Variants in SUPT7L observed in about 807,000 individuals in gnomAD.
SUPT7L encodes the protein SPT7 like, STAGA complex subunit gamma.
A neutral mutation model predicts 35.7 loss-of-function variants in SUPT7L; 15 were observed. The observed-to-expected ratio is 0.42, with a 90% confidence interval of 0.28 to 0.65. The LOEUF (loss-of-function observed/expected upper bound fraction) is 0.65, where lower values mean the gene tolerates loss of function less well. SUPT7L is among the 30% of genes least tolerant of loss of function. The probability of loss-of-function intolerance (pLI) is 0.23; values close to 1 mark genes in which losing one functional copy is unlikely to be tolerated. For synonymous variants in SUPT7L, 168 were observed against 186.2 expected (o/e 0.90, Z 0.79); for missense variants, 434 against 522.2 (o/e 0.83, Z 1.65).
chr2:27,651,119 A>G lies in SUPT7L; in HGVS notation c.*2366T>C, dbSNP rs148677208. The stretch of plus-strand genomic sequence containing the variant: ...GTCAGAGGCACATTTCATACATAAC[A>G]GCCCTTATAAACGTTTGCCCTGCCT... On this transcript the variant is annotated 3_prime_UTR_variant, in exon 6 of 6. Transcript: ENST00000337768. The G allele has an allele frequency of 2.0e-5, 3 of 152,520 alleles. No individual in the cohort carries two copies. Among genetic ancestry groups the G allele is most frequent in the Non-Finnish European group, 4.4e-5 (3 of 68,048 alleles). 9.4% of individuals were successfully genotyped at this position (152,520 alleles called of 1,614,324 possible). A position where few individuals can be genotyped will look rare whatever the true frequency, so the allele number is the denominator to read the frequency against.
chr2:27,653,489 AT>A lies in SUPT7L; in HGVS notation c.1240del (p.Ile414TyrfsTer14). 6.2e-7 allele frequency: 1 copy of A among 1,613,248 alleles called. No homozygotes were observed. Among genetic ancestry groups the A allele is most frequent in the Non-Finnish European group, 8.5e-7 (1 of 1,179,562 alleles). ...AAACATCTCCCTCTTTTCCTTTTAT[AT>A]TTTCCTCATCCTCTTCTTGCAGCGC... The part of the protein sequence containing the change: ...NQRCKKRMRK[I>X] On this transcript the variant is annotated frameshift_variant, in exon 6 of 6. Transcript: ENST00000337768. LOFTEE classifies it high-confidence loss of function.
downstream of SUPT7L, among the ~76,000 whole-genome samples, chr2:27,649,749 AGTTT>A (rs1294531065): frequency 1.3e-5 from 2 of 152,148 alleles, no homozygotes; most frequent in African/African-American, 4.8e-5. Flanking sequence ...GATGTTCCAC[AGTTT>A]GTTTATCCAT....
the SUPT7L span, among the ~76,000 whole-genome samples, chr2:27,642,943 TTA>T: frequency 0.014 from 1,863 of 128,538 alleles, 45 homozygotes; most frequent in African/African-American, 0.05. Flanking sequence ...AAATGTGGTT[TTA>T]TATATATATA....
At chr2:27,642,958 TACACACACACACACAC>T in the SUPT7L span, among the ~76,000 whole-genome samples, 2 of 122,610 alleles carry the variant, frequency 1.6e-5, no homozygotes, top group Non-Finnish European at 3.3e-5. Context: ...TATATATATA[TACACACACACACACAC>T]ACACACACAC....
chr2:27,662,960 T>C (rs1296152701), intron 1 of SUPT7L, among the ~76,000 whole-genome samples: 4 of 140,506 alleles, frequency 2.8e-5, no homozygotes, highest in Non-Finnish European at 1.6e-5. Flanking sequence ...CTTTTTTTTT[T>C]TTTTTTTTGG....
chr2:27,663,488 G>A lies in SUPT7L; in HGVS notation c.-249C>T, dbSNP rs559776744. 22 of 423,338 alleles carry A rather than the reference G, an allele frequency of 5.2e-5. 1 individual carries two copies. Among genetic ancestry groups the A allele is most frequent in the South Asian group, 3.9e-4 (17 of 43,232 alleles). 26.2% of individuals were successfully genotyped at this position (423,338 alleles called of 1,614,324 possible). A position where few individuals can be genotyped will look rare whatever the true frequency, so the allele number is the denominator to read the frequency against. ...AGACGGGGAGGTCTGGACCTGAACC[G>A]AGACAAGGAGGTACCACACTATTCA... On this transcript the variant is annotated 5_prime_UTR_variant, in exon 1 of 6. Coordinates refer to ENST00000337768, the MANE Select transcript of SUPT7L (RefSeq NM_014860.3).
In SUPT7L at chr2:27,657,545, G is replaced by A. The variant is rs1422615250; in HGVS notation, c.544C>T (p.Leu182=). ...CAATACTCATGTGCCACATCAGTTA[G>A]GGTCTCCAGGACACTCTCATTAGCA... is the stretch of plus-strand genomic sequence containing the variant. ...DCANESVLET[L]TDVAHEYCLK... Residue 182 remains leucine, a synonymous_variant, in exon 4 of 6, where the codon CTA becomes TTA. Transcript: ENST00000337768. This position sits in a 1 kb window ranked among gnomAD's most constrained non-coding sequence, Gnocchi z 5.2. The A allele has an allele frequency of 6.2e-7, 1 of 1,614,114 alleles. No homozygotes were observed. The highest frequency in any genetic ancestry group is 1.3e-5 in the African/African-American group (1 of 74,938).
chr2:27,646,571 A>C, downstream of SUPT7L, among the ~76,000 whole-genome samples: 1 of 150,664 alleles, frequency 6.6e-6, no homozygotes, highest in Non-Finnish European at 1.5e-5. Flanking sequence ...CCCACCTTCC[A>C]CCCCCACCCC....
At chr2:27,661,476 T>C in intron 2 of SUPT7L, 88 bp from the exon 3 acceptor site, 1 of 1,566,894 alleles carries the variant, frequency 6.4e-7, no homozygotes, top group Non-Finnish European at 8.6e-7. Flanking sequence ...CTGGCAACTT[T>C]AGATTATAGG....
At chr2:27,661,876 A>G (rs767163879) in intron 2 of SUPT7L, 1 of 458,576 alleles carries the variant, frequency 2.2e-6, no homozygotes, top group Non-Finnish European at 3.9e-6. Flanking sequence ...AGGGTTAAAG[A>G]TAATAAGAAG....
rs755809244 is a variant in SUPT7L at position 27,661,107 on chromosome 2, C to T, written c.296G>A (p.Ser99Asn). ...QQTEGVKTEE[S>N]EPLPSCPGSP... ...CCCAGGGCACGAGGGAAGAGGTTCA[C>T]TCTCTTCAGTTTTTACACCTTCTGT... The change falls in exon 3 of 6, where the codon AGT becomes AAT. Residue 99 changes from serine to asparagine, a missense_variant. Transcript: ENST00000337768. The T allele has an allele frequency of 1.2e-5, 19 of 1,614,058 alleles. No homozygotes were observed. Among genetic ancestry groups the T allele is most frequent in the Non-Finnish European group, 1.5e-5 (18 of 1,180,046 alleles).
At chr2:27,645,278 TTTTTC>T in the SUPT7L span, among the ~76,000 whole-genome samples, 4 of 152,154 alleles carry the variant, frequency 2.6e-5, no homozygotes, top group Non-Finnish European at 5.9e-5. Context: ...GCCCATTTTT[TTTTTC>T]TTTTAACTTG....
chr2:27,658,479 ATAACT>A (rs1227848405), intron 3 of SUPT7L, among the ~76,000 whole-genome samples: 6 of 152,358 alleles, frequency 3.9e-5, no homozygotes, highest in East Asian at 3.9e-4. Flanking sequence ...TGATCTAAAA[ATAACT>A]TAAGAAGCTT....
Position 27,651,763 on chromosome 2 carries a change from G to A in SUPT7L, c.*1722C>T, listed in dbSNP as rs2148103639. ...AATAATTGGTACTCAATGTTTGCTG[G>A]ATGAATGAACTAAATTCCCATACGG... On this transcript the variant is annotated 3_prime_UTR_variant, in exon 6 of 6. Transcript: ENST00000337768. 1 of 152,322 alleles carries A rather than the reference G, an allele frequency of 6.6e-6. No homozygotes were observed. Among genetic ancestry groups the A allele is most frequent in the South Asian group, 2.1e-4 (1 of 4,820 alleles). The allele number at this position is 152,322 out of a possible 1,614,324, so 9.4% of individuals were successfully genotyped here.
In SUPT7L at chr2:27,657,433, ACC is replaced by A. The variant is rs1313399581; in HGVS notation, c.654_655del (p.Gln218HisfsTer4). 3.1e-6 allele frequency: 5 copies of A among 1,614,122 alleles called. No homozygotes were observed. Among genetic ancestry groups the A allele is most frequent in the Non-Finnish European group, 4.2e-6 (5 of 1,180,056 alleles). On this transcript the variant is annotated frameshift_variant, in exon 4 of 6. Coordinates refer to ENST00000337768, the MANE Select transcript of SUPT7L (RefSeq NM_014860.3). LOFTEE classifies it high-confidence loss of function. This position sits in a 1 kb window ranked among gnomAD's most constrained non-coding sequence, Gnocchi z 5.2. Reference sequence around the variant, plus strand: ...ACTGCCAATACCCACTTCATGGAATACCTGCTCCATCACATCAGGAAAAGGAG... The same window carrying A: ...ACTGCCAATACCCACTTCATGGAATATGCTCCATCACATCAGGAAAAGGAG...
intron 3 of SUPT7L, among the ~76,000 whole-genome samples, chr2:27,660,646 G>A (rs1018695715): frequency 2.6e-5 from 4 of 152,086 alleles, no homozygotes; most frequent in Non-Finnish European, 4.4e-5. Flanking sequence ...TGAAGACAAC[G>A]AGCTAAACCC....
downstream of SUPT7L, chr2:27,650,192 A>C: frequency 2.5e-6 from 4 of 1,578,250 alleles, no homozygotes; most frequent in Non-Finnish European, 3.5e-6. Context: ...GAAGAGAAAC[A>C]ATAAATAGGA....
At chr2:27,659,345 A>G (rs1016005878) in intron 3 of SUPT7L, among the ~76,000 whole-genome samples, 1 of 152,180 alleles carries the variant, frequency 6.6e-6, no homozygotes, top group African/African-American at 2.4e-5. Context: ...ATTACCAGCA[A>G]CAGGTAGATG....
downstream of SUPT7L, among the ~76,000 whole-genome samples, chr2:27,646,901 T>C (rs943505692): frequency 6.6e-6 from 1 of 152,196 alleles, no homozygotes; most frequent in African/African-American, 2.4e-5. Flanking sequence ...GCAAAATACA[T>C]TTCTATGTGC....
Sources: allele counts gnomAD v4.1 joint callset (sites outside exome capture counted in the v4.1 genomes callset), GRCh38; gene constraint gnomAD v4.1.1; non-coding constraint Gnocchi (gnomAD v3.1); transcripts MANE v1.5; gene names NCBI Gene and HGNC (gene_info 2026-07-23, HGNC 2026-07-21).